KIFC3: variants seen among roughly 807,000 people sequenced by gnomAD.
The protein encoded by KIFC3 is kinesin-like protein KIFC3.
KIFC3 carries 60 observed loss-of-function variants against 101.8 expected under a neutral mutation model. The ratio of observed to expected loss-of-function variants is 0.59; its 90% confidence interval spans 0.48 to 0.73. The LOEUF is 0.73. Ranked by LOEUF, KIFC3 falls within the 30% of genes least tolerant of loss-of-function variation. The pLI, the probability that KIFC3 is intolerant of heterozygous loss-of-function variation, is 0.00. For missense variants in KIFC3, 966 were observed against 1,137.1 expected (o/e 0.85, Z 2.16); for synonymous variants, 476 against 482.7 (o/e 0.99, Z 0.18).
At chr16:57,780,041 A>T (rs2052540754) in intron 3 of KIFC3, 1 of 152,078 alleles carries the variant, frequency 6.6e-6, no homozygotes, top group Non-Finnish European at 1.5e-5. Flanking sequence ...CTATCACAAG[A>T]ACTGCATGGA....
intron 1 of KIFC3, among the ~76,000 whole-genome samples, chr16:57,833,866 C>CTTTTT (rs201843937): frequency 5.4e-5 from 6 of 111,316 alleles, no homozygotes; most frequent in Non-Finnish European, 6.9e-5. Flanking sequence ...AATGCAGTTG[C>CTTTTT]TTTTTTTTTT....
In KIFC3 at chr16:57,764,773, G is replaced by A. The variant is rs541418189; in HGVS notation, c.1513-526C>T. On this transcript the variant is annotated intron_variant, in intron 11 of 19. Coordinates refer to ENST00000445690, the MANE Select transcript of KIFC3 (RefSeq NM_001130100.2). The stretch of plus-strand genomic sequence containing the variant: ...GGACTGATACAGGAGGGTATTCCCG[G>A]ATGGGGAAGATGGGCAGGGTCATGA... Among the ~76,000 whole-genome samples the A allele has an allele frequency of 1.4e-4, 22 of 152,224 alleles. 1 individual carries two copies. The South Asian group carries it at 4.6e-3, about 32-fold the overall frequency.
rs75329188 is a variant in KIFC3, at chr16:57,824,841, C to T, written c.109-26559G>A. Among the ~76,000 whole-genome samples, 332 of 152,242 alleles carry T rather than the reference C, an allele frequency of 2.2e-3. 1 individual carries two copies. The highest frequency in any genetic ancestry group is 7.3e-3 in the African/African-American group (305 of 41,546). On this transcript the variant is annotated intron_variant, in intron 1 of 2. Transcript: ENST00000563028. ...AGGAATTTTTGTAAAGATGGGGTCT[C>T]GCTCTATTCCTAGGTTGGTCTCGAT...
At chr16:57,827,336 G>A (rs1309476525) in intron 1 of KIFC3, among the ~76,000 whole-genome samples, 4 of 152,234 alleles carry the variant, frequency 2.6e-5, no homozygotes, top group East Asian at 1.9e-4. Flanking sequence ...GGCCACTGCC[G>A]GCTGCAGAGA....
At chr16:57,843,884 G>A (rs1322005958) in intron 1 of KIFC3, among the ~76,000 whole-genome samples, 1 of 152,128 alleles carries the variant, frequency 6.6e-6, no homozygotes, top group East Asian at 1.9e-4. Context: ...AAGGTGGGCA[G>A]ATCATTTGAG....
rs940669405 is a variant in KIFC3 at position 57,775,580 on chromosome 16, A to T, written c.316-3292T>A. The T allele has an allele frequency of 1.0e-5, 10 of 985,848 alleles. No individual in the cohort carries two copies. The South Asian group carries it at 4.2e-4, about 42-fold the overall frequency. The allele number at this position is 985,848 out of a possible 1,614,324, so 61.1% of individuals were successfully genotyped here. On this transcript the variant is annotated intron_variant, in intron 3 of 19. Coordinates refer to ENST00000445690, the MANE Select transcript of KIFC3 (RefSeq NM_001130100.2). ...TGGCCTGGGAGCAGTGAGAGCCAAG[A>T]GCAGGCAGGGCCTTCCTCAGGGAAG...
rs370311660 is a variant in KIFC3 at position 57,761,059 on chromosome 16, G to C, written c.1985C>G (p.Thr662Arg). Residue 662 changes from threonine (T) to arginine (R), a missense_variant, in exon 15 of 20, where the codon ACA becomes AGA. This residue lies in a region of KIFC3 where 689 missense variants were observed against 884.6 expected (regional missense o/e 0.78). Coordinates refer to ENST00000445690, the MANE Select transcript of KIFC3 (RefSeq NM_001130100.2). ...ACTCTCACCCGTGGTGCGGAGGCCT[G>C]TGCTGCAGTCCACGCCTCGCACCGT... ...IVTVRGVDCS[T>R]GLRTTGKLNL... 6.2e-6 allele frequency: 10 copies of C among 1,612,036 alleles called. No homozygotes were observed. Among genetic ancestry groups the C allele is most frequent in the Non-Finnish European group, 1.7e-6 (2 of 1,179,250 alleles).
In KIFC3 at chr16:57,765,481, GAGA is replaced by G; in HGVS notation, c.1487_1489del (p.Phe496del). The G allele has an allele frequency of 6.3e-7, 1 of 1,586,128 alleles. No homozygotes were observed. The highest frequency in any genetic ancestry group is 8.6e-7 in the Non-Finnish European group (1 of 1,165,030). ...CACGTCCTGCTGCGAGGCCTGTGGG[GAGA>G]AGACCTTGTCCAGCTCGAAGGACAC... On this transcript the variant is annotated inframe_deletion, in exon 11 of 20. Transcript: ENST00000445690.
chr16:57,794,678 A>G (rs2054150921), intron 3 of KIFC3, among the ~76,000 whole-genome samples: 2 of 152,204 alleles, frequency 1.3e-5, no homozygotes, highest in East Asian at 3.8e-4. Flanking sequence ...ATGTTTCAGA[A>G]TAATCAACCA....
At chr16:57,780,313 C>T (rs2052565747) in intron 3 of KIFC3, among the ~76,000 whole-genome samples, 1 of 152,136 alleles carries the variant, frequency 6.6e-6, no homozygotes, top group South Asian at 2.1e-4. Context: ...GAATTTAAGA[C>T]CAGCCTGGCC....
Position 57,760,381 on chromosome 16 carries a change from G to C in KIFC3, c.2268C>G (p.Leu756=). Residue 756 remains leucine (L), a synonymous_variant, in exon 17 of 20, where the codon CTC becomes CTG. Transcript: ENST00000445690. ...CCCTCTCAGCAAACTTGAGGGAATA[G>C]AGCGTCTCGCTAGTGTTCTTCTCCA... ...SPVEKNTSET[L]YSLKFAERVR... is the part of the protein sequence containing the mutation. The C allele has an allele frequency of 6.2e-7, 1 of 1,613,946 alleles. No homozygotes were observed. The highest frequency in any genetic ancestry group is 8.5e-7 in the Non-Finnish European group (1 of 1,179,984).
At chr16:57,854,387 G>C (rs2056121744) in intron 1 of KIFC3, among the ~76,000 whole-genome samples, 1 of 152,176 alleles carries the variant, frequency 6.6e-6, no homozygotes. Flanking sequence ...CAGCACTTTG[G>C]GAGGCCAAGG....
chr16:57,820,808 G>A (rs2055333813), intron 1 of KIFC3, among the ~76,000 whole-genome samples: 1 of 152,186 alleles, frequency 6.6e-6, no homozygotes, highest in South Asian at 2.1e-4. Context: ...TTTGTTGAAT[G>A]AATAAATGAA....
chr16:57,761,923 TCAC>T (rs2049907730), intron 13 of KIFC3, among the ~76,000 whole-genome samples: 1 of 151,352 alleles, frequency 6.6e-6, no homozygotes, highest in Non-Finnish European at 1.5e-5. Flanking sequence ...TACACTCCCT[TCAC>T]CTTGACGGCC....
intron 1 of KIFC3, among the ~76,000 whole-genome samples, chr16:57,839,097 G>T (rs1197530593): frequency 2.0e-5 from 3 of 152,210 alleles, no homozygotes; most frequent in Non-Finnish European, 4.4e-5. Context: ...GGAGGCCGAA[G>T]TGGGAGGATT....
At chr16:57,860,076 AT>A (rs2149340743) in intron 1 of KIFC3, among the ~76,000 whole-genome samples, 4 of 147,648 alleles carry the variant, frequency 2.7e-5, no homozygotes, top group East Asian at 2.2e-4. Flanking sequence ...ATAAAATAAA[AT>A]AAAATAAAAT....
intron 12 of KIFC3, among the ~76,000 whole-genome samples, chr16:57,762,792 C>T (rs1385897273): frequency 1.3e-5 from 2 of 152,164 alleles, no homozygotes; most frequent in East Asian, 3.9e-4. Context: ...GGGAGCCTGG[C>T]CCTCACCCCT....
At chr16:57,797,198 G>A (rs1056304012) in intron 2 of KIFC3, among the ~76,000 whole-genome samples, 3 of 152,234 alleles carry the variant, frequency 2.0e-5, no homozygotes, top group Non-Finnish European at 4.4e-5. Flanking sequence ...TGCACCAAGG[G>A]GCTTGGACCT....
At chr16:57,811,248 G>A (rs1399890347) in intron 1 of KIFC3, among the ~76,000 whole-genome samples, 2 of 152,208 alleles carry the variant, frequency 1.3e-5, no homozygotes, top group African/African-American at 2.4e-5. Context: ...CTTCTTTGGG[G>A]CGTGATAAAA....
Sources: gnomAD v4.1 joint callset for allele counts (sites outside exome capture counted in the v4.1 genomes callset) on GRCh38, gnomAD v4.1.1 for gene constraint, gnomAD v4.1.1 regional missense constraint, MANE v1.5 for transcripts, NCBI Gene and HGNC (gene_info 2026-07-23, HGNC 2026-07-21) for gene names.